Variants in RPS6KC1 observed in about 807,000 individuals in gnomAD.
RPS6KC1 encodes ribosomal protein S6 kinase C1, also known as inactive ribosomal protein S6 kinase delta-1.
RPS6KC1 carries 54 observed loss-of-function variants against 103.8 expected under a neutral mutation model. That is an observed-to-expected ratio of 0.52 (90% CI 0.42 to 0.65). The LOEUF (loss-of-function observed/expected upper bound fraction) is 0.65. Among genes scored for constraint, RPS6KC1 ranks in the 30% least tolerant of loss-of-function variants. The pLI is 0.00. For synonymous variants in RPS6KC1, 439 were observed against 438.7 expected (o/e 1.00, Z -0.01); for missense variants, 1,151 against 1,253.8 (o/e 0.92, Z 1.24).
At chr1:213,721,610 C>T in the RPS6KC1 span, among the ~76,000 whole-genome samples, 13 of 152,082 alleles carry the variant, frequency 8.5e-5, no homozygotes, top group Non-Finnish European at 1.9e-4. Context: ...AGCATGAAAA[C>T]AGACTAATAT....
the RPS6KC1 span, among the ~76,000 whole-genome samples, chr1:213,566,945 G>T: frequency 1.3e-5 from 2 of 152,012 alleles, no homozygotes; most frequent in African/African-American, 4.8e-5. Flanking sequence ...ATTGTGGATT[G>T]CTTCCTTATG....
chr1:213,540,389 G>A, the RPS6KC1 span, among the ~76,000 whole-genome samples: 2 of 152,282 alleles, frequency 1.3e-5, no homozygotes, highest in African/African-American at 4.8e-5. Context: ...TGTCACCCAG[G>A]CTGGAGTGCA....
chr1:213,448,839 GC>G, the RPS6KC1 span, among the ~76,000 whole-genome samples: 1 of 151,516 alleles, frequency 6.6e-6, no homozygotes, highest in Non-Finnish European at 1.5e-5. Context: ...CTTGCTCAAA[GC>G]TTTTATAGAA....
At chr1:213,646,425 T>C in the RPS6KC1 span, among the ~76,000 whole-genome samples, 1 of 152,122 alleles carries the variant, frequency 6.6e-6, no homozygotes, top group Admixed American at 6.5e-5. Context: ...GAGAAGTATC[T>C]TGTGGGGAGA....
intron 5 of RPS6KC1, among the ~76,000 whole-genome samples, chr1:213,119,881 T>C (rs1381069183): frequency 6.6e-6 from 1 of 152,068 alleles, no homozygotes; most frequent in African/African-American, 2.4e-5. Flanking sequence ...AGGGTGAGCA[T>C]GTAGTTTATT....
the RPS6KC1 span, among the ~76,000 whole-genome samples, chr1:213,732,116 A>C: frequency 3.3e-5 from 5 of 152,130 alleles, no homozygotes; most frequent in African/African-American, 1.2e-4. Flanking sequence ...TTTTTGAAAA[A>C]AAAACCAAAT....
chr1:213,668,418 C>CCCCCAA, the RPS6KC1 span, among the ~76,000 whole-genome samples: 1 of 141,590 alleles, frequency 7.1e-6, no homozygotes, highest in Non-Finnish European at 1.5e-5. Flanking sequence ...CCCACCCCCA[C>CCCCCAA]CCCGAGGAGT....
chr1:213,097,127 G>A (rs558910099), intron 3 of RPS6KC1, among the ~76,000 whole-genome samples: 2 of 152,270 alleles, frequency 1.3e-5, no homozygotes, highest in East Asian at 1.9e-4. Flanking sequence ...AGGCCAAGGC[G>A]GGTGGATCAC....
At chr1:213,131,526 C>A (rs543741169) in intron 6 of RPS6KC1, among the ~76,000 whole-genome samples, 3 of 152,144 alleles carry the variant, frequency 2.0e-5, no homozygotes, top group South Asian at 2.1e-4. Context: ...TCGCTGCAAC[C>A]TTTGCCTCCG....
chr1:213,589,508 G>A, the RPS6KC1 span, among the ~76,000 whole-genome samples: 1 of 152,096 alleles, frequency 6.6e-6, no homozygotes, highest in South Asian at 2.1e-4. Flanking sequence ...CAGGCGTGGT[G>A]GTGGGTGCCT....
rs770239248 is a variant in RPS6KC1 at position 213,129,909 on chromosome 1, A to G, written c.835+20A>G. 1.4e-5 allele frequency: 21 copies of G among 1,552,714 alleles called. No homozygotes were observed. The highest frequency in any genetic ancestry group is 1.7e-5 in the Non-Finnish European group (20 of 1,159,972). On this transcript the variant is annotated intron_variant, in intron 6 of 14. Transcript: ENST00000366960. ...TTCAAGGTATGGTTTTATGTATATT[A>G]TGTTTTGGCATGCTCTTTTGTTGGT...
intron 8 of RPS6KC1, among the ~76,000 whole-genome samples, chr1:213,207,828 C>T (rs146204104): frequency 5.5e-4 from 83 of 152,152 alleles, no homozygotes; most frequent in African/African-American, 1.9e-3. Context: ...TGTCCACCTC[C>T]ATGCTGGCTA....
chr1:213,103,517 C>G (rs2082199407), intron 3 of RPS6KC1, among the ~76,000 whole-genome samples: 1 of 152,066 alleles, frequency 6.6e-6, no homozygotes, highest in Admixed American at 6.6e-5. Flanking sequence ...TTTTAGTTAT[C>G]GTGAAATAGA....
At chr1:213,758,008 A>G in the RPS6KC1 span, among the ~76,000 whole-genome samples, 1 of 152,190 alleles carries the variant, frequency 6.6e-6, no homozygotes, top group African/African-American at 2.4e-5. Flanking sequence ...ACTTTTTAGA[A>G]TAAAATATTT....
At chr1:213,367,139 A>C in the RPS6KC1 span, among the ~76,000 whole-genome samples, 1 of 152,172 alleles carries the variant, frequency 6.6e-6, no homozygotes, top group Non-Finnish European at 1.5e-5. Flanking sequence ...ACTGTTGGGG[A>C]CAATATTTCA....
At chr1:213,311,209 G>C in the RPS6KC1 span, among the ~76,000 whole-genome samples, 1 of 150,128 alleles carries the variant, frequency 6.7e-6, no homozygotes, top group African/African-American at 2.5e-5. Context: ...CGCCATCTCC[G>C]CTCACTGCAA....
chr1:213,822,987 T>G, the RPS6KC1 span, among the ~76,000 whole-genome samples: 1 of 152,156 alleles, frequency 6.6e-6, no homozygotes, highest in Non-Finnish European at 1.5e-5. Flanking sequence ...TCCAATGTCT[T>G]CCAATAATGC....
chr1:213,638,706 T>C, the RPS6KC1 span, among the ~76,000 whole-genome samples: 2 of 152,158 alleles, frequency 1.3e-5, no homozygotes, highest in East Asian at 1.9e-4. Flanking sequence ...TTATGTTCCA[T>C]TGATCTATTT....
At chr1:213,474,177 G>T in the RPS6KC1 span, among the ~76,000 whole-genome samples, 1 of 152,128 alleles carries the variant, frequency 6.6e-6, no homozygotes, top group Non-Finnish European at 1.5e-5. Flanking sequence ...GGGTTCGGGG[G>T]TAGATGGAGC....
Sources: gnomAD v4.1 joint callset for allele counts (sites outside exome capture counted in the v4.1 genomes callset) on GRCh38, gnomAD v4.1.1 for gene constraint, MANE v1.5 for transcripts, NCBI Gene and HGNC (gene_info 2026-07-23, HGNC 2026-07-21) for gene names.